The following BCAT1 variants were observed in gnomAD, a reference collection of about 807,000 sequenced individuals.
BCAT1 encodes branched chain amino acid transaminase 1.
In BCAT1, 48 loss-of-function variants were observed where a neutral mutation model predicts 52.4. The ratio of observed to expected loss-of-function variants is 0.92; its 90% CI spans 0.73 to 1.16. The LOEUF is 1.16. Ranked by LOEUF, BCAT1 falls within the 50% of genes most tolerant of loss-of-function variation. The pLI is 0.00. For synonymous variants in BCAT1, 167 were observed against 161.3 expected, an observed-to-expected ratio of 1.04 and a Z score of -0.27; for missense variants, 451 against 457.1, an observed-to-expected ratio of 0.99 and a Z score of 0.12.
Position 24,842,153 on chromosome 12 carries a change from T to C in BCAT1, c.746A>G (p.Tyr249Cys), listed in dbSNP as rs1941195133. Residue 249 changes from tyrosine (Y) to cysteine (C), a missense_variant, in exon 7 of 11, where the codon TAT becomes TGT. Physicochemically the swap from Tyr to Cys is radical, Grantham distance 194. Transcript: ENST00000261192. ...TTCAGTGATCTGATGGTCCTCTCCA[T>C]AGAGCCACAGGACCTGCTGACACCC... ...DNGCQQVLWL[Y>C]GEDHQITEVG... 6.2e-7 allele frequency: 1 copy of C among 1,613,734 alleles called. No individual in the cohort carries two copies.
chr12:24,843,318 A>G (rs1188679960), intron 6 of BCAT1, among the ~76,000 whole-genome samples: 1 of 149,862 alleles, frequency 6.7e-6, no homozygotes, highest in African/African-American at 2.5e-5. Flanking sequence ...AAAGTTGAGC[A>G]TGAGGCCAGG....
intron 5 of BCAT1, among the ~76,000 whole-genome samples, chr12:24,860,110 C>A (rs1941813797): frequency 6.6e-6 from 1 of 152,096 alleles, no homozygotes; most frequent in South Asian, 2.1e-4. Context: ...TTATGTTATC[C>A]ACAGAAAATT....
intron 1 of BCAT1, among the ~76,000 whole-genome samples, chr12:24,917,462 G>C (rs895339169): frequency 9.9e-5 from 15 of 152,162 alleles, no homozygotes; most frequent in African/African-American, 3.6e-4. Context: ...GATTACAGGC[G>C]TGAGCCACTG....
chr12:24,833,082 GAATATAA>G (rs1355322144), intron 8 of BCAT1, among the ~76,000 whole-genome samples: 4 of 152,242 alleles, frequency 2.6e-5, no homozygotes, highest in Admixed American at 2.0e-4. Flanking sequence ...GAGATTATCA[GAATATAA>G]AATATAAGAT....
chr12:24,888,838 A>G (rs759011210), intron 3 of BCAT1, among the ~76,000 whole-genome samples: 24 of 152,334 alleles, frequency 1.6e-4, no homozygotes, highest in South Asian at 6.2e-4. Context: ...GCAGCCTGTA[A>G]AATCAAGCTG....
chr12:24,884,320 A>C (rs961030446), intron 3 of BCAT1, among the ~76,000 whole-genome samples: 3 of 152,238 alleles, frequency 2.0e-5, no homozygotes, highest in Non-Finnish European at 4.4e-5. Flanking sequence ...AGAGAGTAGA[A>C]TGGTGGTTAC....
intron 3 of BCAT1, among the ~76,000 whole-genome samples, chr12:24,893,545 C>T (rs750720109): frequency 6.6e-6 from 1 of 152,078 alleles, no homozygotes; most frequent in Admixed American, 6.6e-5. Flanking sequence ...TAATACAGAA[C>T]GTATTGCAGG....
chr12:24,823,304 G>A (rs1940226316), intron 10 of BCAT1, among the ~76,000 whole-genome samples: 1 of 151,982 alleles, frequency 6.6e-6, no homozygotes, highest in Non-Finnish European at 1.5e-5. Flanking sequence ...AAACTCCTGG[G>A]CTCAAGCAAT....
chr12:24,948,056 C>T (rs1943960761), intron 1 of BCAT1, among the ~76,000 whole-genome samples: 1 of 152,238 alleles, frequency 6.6e-6, no homozygotes, highest in Admixed American at 6.5e-5. Flanking sequence ...CACGCTTCAT[C>T]TCCCTCCTTA....
chr12:24,840,323 T>G (rs887326527), intron 7 of BCAT1, among the ~76,000 whole-genome samples: 3 of 152,104 alleles, frequency 2.0e-5, no homozygotes, highest in African/African-American at 7.2e-5. Context: ...CTGTGTGGTT[T>G]TTTGGTGGAG....
chr12:24,827,736 G>A (rs911188474), intron 10 of BCAT1, among the ~76,000 whole-genome samples: 3 of 152,170 alleles, frequency 2.0e-5, no homozygotes, highest in Non-Finnish European at 2.9e-5. Context: ...GGGTTGCAGT[G>A]AGCTGAGATT....
At chr12:24,893,881 A>G (rs1464724423) in intron 3 of BCAT1, among the ~76,000 whole-genome samples, 1 of 152,248 alleles carries the variant, frequency 6.6e-6, no homozygotes, top group Non-Finnish European at 1.5e-5. Context: ...ATTACTGGTC[A>G]TAAAAATGTG....
intron 1 of BCAT1, among the ~76,000 whole-genome samples, chr12:24,936,315 C>A (rs1335804596): frequency 6.6e-6 from 1 of 152,224 alleles, no homozygotes; most frequent in African/African-American, 2.4e-5. Flanking sequence ...TTACTGCAAT[C>A]TCTACCTCCC....
intron 1 of BCAT1, among the ~76,000 whole-genome samples, chr12:24,930,275 A>G (rs1943658249): frequency 1.3e-5 from 2 of 152,096 alleles, no homozygotes; most frequent in Non-Finnish European, 2.9e-5. Context: ...CTCTGGCATT[A>G]TTCCCTACAC....
chr12:24,861,807 A>G (rs1255394844), intron 5 of BCAT1, among the ~76,000 whole-genome samples: 1 of 152,240 alleles, frequency 6.6e-6, no homozygotes, highest in Non-Finnish European at 1.5e-5. Context: ...AGGACATTAC[A>G]AGACAGATAC....
intron 5 of BCAT1, among the ~76,000 whole-genome samples, chr12:24,866,290 G>A (rs1183740155): frequency 1.3e-5 from 2 of 152,204 alleles, no homozygotes; most frequent in Admixed American, 6.5e-5. Context: ...TAGATTTCTC[G>A]CCGGGCCAGA....
At chr12:24,829,693 A>G (rs977110793) in intron 10 of BCAT1, 130 bp downstream of exon 10, 32 of 762,818 alleles carry the variant, frequency 4.2e-5, no homozygotes, top group Middle Eastern at 7.0e-4. Flanking sequence ...AATTTAACTT[A>G]TTGATCTCAA....
At position 24,816,745 on chromosome 12, in the gene BCAT1, C is replaced by T; in HGVS notation, c.*1263G>A. On this transcript the variant is annotated 3_prime_UTR_variant, in exon 11 of 11. Coordinates refer to ENST00000261192, the MANE Select transcript of BCAT1 (RefSeq NM_005504.7). ...ACCAGTTTTGTGGAAGACAATTTTT[C>T]CACAGACTGCAGGGTGAAGGGTGGT... The T allele has an allele frequency of 5.1e-6, 2 of 393,686 alleles. No homozygotes were observed. Among genetic ancestry groups the T allele is most frequent in the Non-Finnish European group, 9.0e-6 (2 of 223,192 alleles). The allele number at this position is 393,686 out of a possible 1,614,324, so 24.4% of individuals were successfully genotyped here. A position where few individuals can be genotyped will look rare whatever the true frequency, so the allele number is the denominator to read the frequency against.
chr12:24,927,591 C>T (rs1386602994), intron 1 of BCAT1, among the ~76,000 whole-genome samples: 1 of 152,116 alleles, frequency 6.6e-6, no homozygotes, highest in East Asian at 1.9e-4. Flanking sequence ...GTGACATTAA[C>T]ACATTTTGGA....
Sources: allele counts gnomAD v4.1 joint callset (sites outside exome capture counted in the v4.1 genomes callset), GRCh38; gene constraint gnomAD v4.1.1; transcripts MANE v1.5; gene names NCBI Gene and HGNC (gene_info 2026-07-23, HGNC 2026-07-21).